Variants in OPCML observed in about 807,000 individuals in gnomAD.
OPCML encodes the protein opioid binding protein/cell adhesion molecule like, also known as opioid-binding protein/cell adhesion molecule.
Under a neutral mutation model 37.8 loss-of-function variants are expected in OPCML, and 13 were observed. The ratio of observed to expected loss-of-function variants is 0.34; its 90% CI spans 0.22 to 0.55. The LOEUF (loss-of-function observed/expected upper bound fraction) is 0.55. Ranked by LOEUF, OPCML falls within the 20% of genes least tolerant of loss-of-function variation. The pLI is 0.91. For missense variants in OPCML, 341 were observed against 435.6 expected, an observed-to-expected ratio of 0.78 and a Z score of 1.93; for synonymous variants, 176 against 168.8, an observed-to-expected ratio of 1.04 and a Z score of -0.33.
chr11:132,867,455 G>A (rs537415731), intron 2 of OPCML, among the ~76,000 whole-genome samples: 1 of 152,158 alleles, frequency 6.6e-6, no homozygotes, highest in Non-Finnish European at 1.5e-5. Flanking sequence ...GAAATAAAAT[G>A]TTTGTTTTGT....
chr11:132,678,455 G>A (rs909897086), intron 2 of OPCML, among the ~76,000 whole-genome samples: 8 of 152,104 alleles, frequency 5.3e-5, no homozygotes, highest in East Asian at 1.9e-4. Flanking sequence ...GATGTTTACC[G>A]CAACTTTATT....
chr11:133,174,913 G>A lies in OPCML; in HGVS notation c.62-231903C>T, dbSNP rs939830607. Among the ~76,000 whole-genome samples the A allele has an allele frequency of 1.3e-5, 2 of 152,268 alleles. No individual in the cohort carries two copies. The highest frequency in any genetic ancestry group is 1.5e-5 in the Non-Finnish European group (1 of 68,020). On this transcript the variant is annotated intron_variant, in intron 1 of 7. Transcript: ENST00000524381. The surrounding 1 kb of genome is among the most constrained non-coding windows in gnomAD (Gnocchi z 4.6). The stretch of plus-strand genomic sequence containing the variant: ...GATCAGGAGTTTAAGTCCAGCCAGA[G>A]CAACAAAGTGAGACTCCTGTCTCTA...
intron 1 of OPCML, among the ~76,000 whole-genome samples, chr11:133,457,199 A>G (rs1213145288): frequency 6.6e-6 from 1 of 152,136 alleles, no homozygotes; most frequent in Non-Finnish European, 1.5e-5. Context: ...AGAAAATTAG[A>G]TGATATATTT....
chr11:132,651,250 T>C (rs1941413846), intron 3 of OPCML, among the ~76,000 whole-genome samples: 1 of 152,192 alleles, frequency 6.6e-6, no homozygotes, highest in Non-Finnish European at 1.5e-5. Context: ...TACCCGGTCT[T>C]GGGTGTTGCT....
At chr11:133,047,983 A>G (rs1948053399) in intron 1 of OPCML, among the ~76,000 whole-genome samples, 1 of 152,084 alleles carries the variant, frequency 6.6e-6, no homozygotes, top group Non-Finnish European at 1.5e-5. Context: ...GTCCTTGTCC[A>G]GAAACTGAGG....
rs193226637 is a variant in OPCML, at chr11:132,610,948, C to T, written c.379+46139G>A. 9.2e-5 allele frequency among the ~76,000 whole-genome samples: 14 copies of T among 152,188 alleles called. No individual in the cohort carries two copies. The East Asian group carries it at 2.7e-3, about 29-fold the overall frequency. On this transcript the variant is annotated intron_variant, in intron 3 of 7. Transcript: ENST00000524381. ...TCAGGGGAGAGCTCCCAGTTAAAGC[C>T]CCATGGTGAGCAATGGCTTCTCTCT...
chr11:133,397,726 C>G lies in OPCML; in HGVS notation c.61+134538G>C, dbSNP rs192488905. ...CCTTGGAACCAAACTTAAGCAGAAA[C>G]TTACTGTGAGAGATAGTGTGGGGTT... On this transcript the variant is annotated intron_variant, in intron 1 of 7. Transcript: ENST00000524381. 6.4e-3 allele frequency among the ~76,000 whole-genome samples: 973 copies of G among 152,312 alleles called. 5 individuals carry two copies. Among genetic ancestry groups the G allele is most frequent in the Non-Finnish European group, 9.8e-3 (664 of 68,036 alleles).
intron 2 of OPCML, among the ~76,000 whole-genome samples, chr11:132,913,875 T>C (rs1446919990): frequency 2.0e-5 from 3 of 152,218 alleles, no homozygotes; most frequent in South Asian, 4.1e-4. Context: ...GTGGGCTACA[T>C]AGCACTCTCG....
intron 1 of OPCML, among the ~76,000 whole-genome samples, chr11:133,469,470 T>G (rs930460511): frequency 1.9e-4 from 29 of 152,212 alleles, no homozygotes; most frequent in African/African-American, 5.8e-4. Context: ...TGATGACATG[T>G]TGCTGTCATA....
rs955072478 is a variant in OPCML at position 132,832,381 on chromosome 11, T to C, written c.146+110545A>G. Among the ~76,000 whole-genome samples, 9 of 152,226 alleles carry C rather than the reference T, an allele frequency of 5.9e-5. 1 individual carries two copies. The highest frequency in any genetic ancestry group is 3.9e-4 in the Admixed American group (6 of 15,294). On this transcript the variant is annotated intron_variant, in intron 2 of 7. Transcript: ENST00000524381. The stretch of plus-strand genomic sequence containing the variant: ...CATAATGAAAGAGACCTAGACTATG[T>C]TAAACTTTAGAATCTTTCTCTGACT...
intron 1 of OPCML, among the ~76,000 whole-genome samples, chr11:133,309,437 A>G (rs1943015370): frequency 6.6e-6 from 1 of 152,250 alleles, no homozygotes; most frequent in African/African-American, 2.4e-5. Context: ...GAAAGTGTCA[A>G]GGTCACAAAA....
intron 2 of OPCML, among the ~76,000 whole-genome samples, chr11:132,849,389 T>C (rs983441595): frequency 1.3e-5 from 2 of 152,198 alleles, no homozygotes; most frequent in Non-Finnish European, 2.9e-5. Context: ...CCAGGCATTT[T>C]GGTAGGCACT....
chr11:132,853,678 C>T (rs1680741957), intron 2 of OPCML, among the ~76,000 whole-genome samples: 2 of 152,180 alleles, frequency 1.3e-5, no homozygotes, highest in South Asian at 4.1e-4. Flanking sequence ...CTGGACTTTT[C>T]ATGTACATAG....
chr11:133,381,584 T>C (rs1592250367), intron 1 of OPCML, among the ~76,000 whole-genome samples: 1 of 152,086 alleles, frequency 6.6e-6, no homozygotes, highest in Admixed American at 6.5e-5. Context: ...CTCACACCCC[T>C]GGAGAAAGTG....
intron 4 of OPCML, among the ~76,000 whole-genome samples, chr11:132,477,807 A>C (rs2096162429): frequency 6.6e-6 from 1 of 152,182 alleles, no homozygotes; most frequent in African/African-American, 2.4e-5. Context: ...AGGAAAGAGT[A>C]TTACCTGTCT....
At chr11:133,308,623 G>T (rs1196237172) in intron 1 of OPCML, among the ~76,000 whole-genome samples, 1 of 152,100 alleles carries the variant, frequency 6.6e-6, no homozygotes. Flanking sequence ...CATTCACTCA[G>T]AGAAACTAGA....
chr11:133,087,769 C>G (rs184558019), intron 1 of OPCML, among the ~76,000 whole-genome samples: 16 of 152,160 alleles, frequency 1.1e-4, no homozygotes, highest in African/African-American at 3.6e-4. Context: ...GAGGTATGAT[C>G]GAGCTTGACA....
chr11:132,447,846 G>T (rs2096059461), intron 4 of OPCML, among the ~76,000 whole-genome samples: 1 of 152,214 alleles, frequency 6.6e-6, no homozygotes, highest in African/African-American at 2.4e-5. Flanking sequence ...GACTCTGCTG[G>T]ACTGATGGTC....
intron 2 of OPCML, among the ~76,000 whole-genome samples, chr11:132,749,777 G>A (rs1945768880): frequency 6.6e-6 from 1 of 152,188 alleles, no homozygotes; most frequent in Non-Finnish European, 1.5e-5. Flanking sequence ...AAAATGCAGG[G>A]ATTGTGGTAG....
Sources: gnomAD v4.1 joint callset for allele counts (sites outside exome capture counted in the v4.1 genomes callset) on GRCh38, gnomAD v4.1.1 for gene constraint, Gnocchi (gnomAD v3.1) non-coding constraint, MANE v1.5 for transcripts, NCBI Gene and HGNC (gene_info 2026-07-23, HGNC 2026-07-21) for gene names.